The following OR51B5 variants were observed in gnomAD, a reference collection of about 807,000 sequenced individuals.
The protein encoded by OR51B5 is olfactory receptor 51B5.
For missense variants in OR51B5, 456 were observed against 374.6 expected (o/e 1.22, Z -1.79); for synonymous variants, 186 against 144.8 (o/e 1.28, Z -2.04).
At chr11:5,373,216 A>G (rs1849470597) in intron 1 of OR51B5, among the ~76,000 whole-genome samples, 1 of 152,240 alleles carries the variant, frequency 6.6e-6, no homozygotes, top group African/African-American at 2.4e-5. Context: ...CTCCTGGAAG[A>G]ACATGTATAG....
At chr11:5,463,463 G>T (rs1384965731) in intron 1 of OR51B5, among the ~76,000 whole-genome samples, 1 of 152,140 alleles carries the variant, frequency 6.6e-6, no homozygotes, top group South Asian at 2.1e-4. Flanking sequence ...TTTACTGCCA[G>T]CCATGTTAAT....
At chr11:5,372,436 T>C (rs1849461667) in intron 1 of OR51B5, among the ~76,000 whole-genome samples, 1 of 152,162 alleles carries the variant, frequency 6.6e-6, no homozygotes, top group Admixed American at 6.5e-5. Flanking sequence ...CCCCTATCTC[T>C]TGTCTTTTTT....
rs11037480 is a variant in OR51B5, at chr11:5,451,242, T to C, written n.84+54327A>G. Among the ~76,000 whole-genome samples, 71 of 152,356 alleles carry C rather than the reference T, an allele frequency of 4.7e-4. 2 individuals are homozygous for C. In the East Asian group the frequency reaches 0.014, roughly 29 times the overall value. ...TGGAACAGTCAGGCAGTCTTTCTTC[T>C]ACAAATACTAAAGCATAAGTCCCCA... On this transcript the variant is annotated intron_variant and non_coding_transcript_variant, in intron 1 of 4. Transcript: ENST00000415970.
upstream of OR51B5, among the ~76,000 whole-genome samples, chr11:5,347,488 T>C (rs573700941): frequency 1.6e-4 from 23 of 142,366 alleles, no homozygotes; most frequent in African/African-American, 7.2e-4. Context: ...GCAGGCATAC[T>C]CATCACATGG....
chr11:5,494,188 T>C (rs1230536653), intron 1 of OR51B5, among the ~76,000 whole-genome samples: 5 of 152,242 alleles, frequency 3.3e-5, no homozygotes, highest in African/African-American at 4.8e-5. Flanking sequence ...GGCTTTGTTT[T>C]AGCAAATGCA....
Position 5,502,988 on chromosome 11 carries a change from G to A in OR51B5, n.84+2581C>T, listed in dbSNP as rs148743853. 2.0e-5 allele frequency among the ~76,000 whole-genome samples: 3 copies of A among 152,226 alleles called. No homozygotes were observed. In the East Asian group the frequency reaches 5.8e-4, roughly 29 times the overall value. On this transcript the variant is annotated intron_variant and non_coding_transcript_variant, in intron 1 of 4. Coordinates refer to the OR51B5 transcript ENST00000415970. ...TTTATTGAACTGTGAGTGTCAAAGG[G>A]TAATAACTTGGAAAAATTCATGATA...
Position 5,414,304 on chromosome 11 carries a change from A to G in OR51B5, n.85-67394T>C, listed in dbSNP as rs866220905. Among the ~76,000 whole-genome samples, 1,035 of 148,912 alleles carry G rather than the reference A, an allele frequency of 7.0e-3. 15 individuals are homozygous for G. The highest frequency in any genetic ancestry group is 0.024 in the African/African-American group (989 of 40,576). On this transcript the variant is annotated intron_variant and non_coding_transcript_variant, in intron 1 of 4. Coordinates refer to the OR51B5 transcript ENST00000415970. ...GAAGCACTAAACATGGAAAGGAACA[A>G]CCGGTACCAGCCACTGCAAAATCAT... is the stretch of plus-strand genomic sequence containing the variant.
intron 1 of OR51B5, chr11:5,385,214 G>C (rs1360195704): frequency 1.3e-5 from 2 of 152,062 alleles, no homozygotes; most frequent in Non-Finnish European, 2.9e-5. Flanking sequence ...TTGCTTAGTA[G>C]ACATGAAAAA....
intron 1 of OR51B5, among the ~76,000 whole-genome samples, chr11:5,467,931 C>A (rs1197924528): frequency 6.6e-6 from 1 of 152,148 alleles, no homozygotes; most frequent in African/African-American, 2.4e-5. Flanking sequence ...AAACATTTTT[C>A]TTTGTACTAA....
chr11:5,376,918 C>T (rs1391998510), intron 1 of OR51B5, among the ~76,000 whole-genome samples: 1 of 150,000 alleles, frequency 6.7e-6, no homozygotes, highest in East Asian at 1.9e-4. Flanking sequence ...TGAAACTATT[C>T]CAATCAACAG....
chr11:5,416,829 T>C (rs1449401758), intron 1 of OR51B5, among the ~76,000 whole-genome samples: 3 of 151,818 alleles, frequency 2.0e-5, no homozygotes. Flanking sequence ...GAAGAATCAA[T>C]ATTGTGACAA....
chr11:5,349,328 G>A (rs989261250), intron 1 of OR51B5, among the ~76,000 whole-genome samples: 3 of 151,796 alleles, frequency 2.0e-5, no homozygotes, highest in South Asian at 2.1e-4. Flanking sequence ...CTTGACACAC[G>A]GTAGAAATTC....
At chr11:5,492,728 C>A (rs191554805) in intron 1 of OR51B5, among the ~76,000 whole-genome samples, 67 of 152,272 alleles carry the variant, frequency 4.4e-4, no homozygotes, top group Admixed American at 1.2e-3. Flanking sequence ...CCTCTGCCTC[C>A]CAGGTTCAAG....
At chr11:5,397,752 G>C (rs1171336186) in intron 1 of OR51B5, among the ~76,000 whole-genome samples, 3 of 150,686 alleles carry the variant, frequency 2.0e-5, no homozygotes, top group Non-Finnish European at 4.4e-5. Flanking sequence ...ACATGCACAC[G>C]TATGTTTATT....
At chr11:5,353,637 A>ATGAT (rs1849137748) in intron 1 of OR51B5, among the ~76,000 whole-genome samples, 1 of 152,220 alleles carries the variant, frequency 6.6e-6, no homozygotes, top group African/African-American at 2.4e-5. Flanking sequence ...CATGACTCAA[A>ATGAT]TGATAAGTTT....
At position 5,401,725 on chromosome 11, in the gene OR51B5, G is replaced by T. The variant is rs572337668; in HGVS notation, n.85-54815C>A. On this transcript the variant is annotated intron_variant and non_coding_transcript_variant, in intron 1 of 4. Transcript: ENST00000415970. ...TCTGTCTCCCCAGCAGCTTTTTAGG[G>T]CCAGACATCTCCACACCAACTCAAG... Among the ~76,000 whole-genome samples, 7 of 151,452 alleles carry T rather than the reference G, an allele frequency of 4.6e-5. No homozygotes were observed. In the South Asian group the frequency reaches 1.3e-3, roughly 28 times the overall value.
At chr11:5,496,979 C>G (rs1851658802) in intron 1 of OR51B5, among the ~76,000 whole-genome samples, 1 of 151,840 alleles carries the variant, frequency 6.6e-6, no homozygotes, top group African/African-American at 2.4e-5. Flanking sequence ...AGCCATTGCT[C>G]ATTGGTCTCC....
intron 1 of OR51B5, among the ~76,000 whole-genome samples, chr11:5,480,782 C>T (rs1399862616): frequency 7.2e-6 from 1 of 138,062 alleles, no homozygotes; most frequent in Non-Finnish European, 1.6e-5. Flanking sequence ...TTCCTTGACA[C>T]ATACACTCTC....
At chr11:5,437,993 G>A (rs1850615984) in intron 1 of OR51B5, among the ~76,000 whole-genome samples, 1 of 152,050 alleles carries the variant, frequency 6.6e-6, no homozygotes, top group Admixed American at 6.6e-5. Context: ...AGGAACAGTG[G>A]CAGAAGAACA....
Sources: allele counts gnomAD v4.1 joint callset (sites outside exome capture counted in the v4.1 genomes callset), GRCh38; gene constraint gnomAD v4.1.1; transcripts MANE v1.5; gene names NCBI Gene and HGNC (gene_info 2026-07-23, HGNC 2026-07-21).